Variants in KCNK3 observed in about 807,000 individuals in gnomAD.
KCNK3 encodes potassium channel subfamily K member 3.
In KCNK3, 9 loss-of-function variants were observed where a neutral mutation model predicts 27.3. The ratio of observed to expected loss-of-function variants is 0.33; its 90% CI spans 0.20 to 0.57. The LOEUF is 0.57. KCNK3 is among the 20% of genes least tolerant of loss of function. The pLI, the probability that KCNK3 is intolerant of heterozygous loss-of-function variation, is 0.87. For missense variants in KCNK3, 391 were observed against 577.7 expected (o/e 0.68, Z 3.31); for synonymous variants, 278 against 273.8 (o/e 1.02, Z -0.15).
chr2:26,701,801 G>A (rs140702494), intron 1 of KCNK3, among the ~76,000 whole-genome samples: 286 of 152,234 alleles, frequency 1.9e-3, no homozygotes, highest in African/African-American at 2.2e-3. Flanking sequence ...TTAGTGAGGC[G>A]TGGTGGCGCA....
intron 1 of KCNK3, among the ~76,000 whole-genome samples, chr2:26,700,003 C>T (rs1234375137): frequency 1.3e-5 from 2 of 152,214 alleles, no homozygotes; most frequent in Non-Finnish European, 1.5e-5. Context: ...CTAGCGGTGG[C>T]AGATGGGTAC....
Position 26,728,322 on chromosome 2 carries a change from G to C in KCNK3, c.939G>C (p.Leu313=). Residue 313 remains leucine (L), a synonymous_variant, in exon 2 of 2, where the codon CTG becomes CTC. Transcript: ENST00000302909. ...VLHFQSMCSC[L]WYKSREKLQY... The stretch of plus-strand genomic sequence containing the variant: ...ACTTCCAGTCCATGTGCTCGTGCCT[G>C]TGGTACAAGAGCCGCGAGAAGCTGC... 1 of 1,603,676 alleles carries C rather than the reference G, an allele frequency of 6.2e-7. No individual in the cohort carries two copies. The highest frequency in any genetic ancestry group is 8.5e-7 in the Non-Finnish European group (1 of 1,175,338).
In KCNK3 at chr2:26,721,993, T is replaced by G. The variant is rs751024875; in HGVS notation, c.284-5674T>G. On this transcript the variant is annotated intron_variant, in intron 1 of 1. Coordinates refer to ENST00000302909, the MANE Select transcript of KCNK3 (RefSeq NM_002246.3). This position sits in a 1 kb window ranked among gnomAD's most constrained non-coding sequence, Gnocchi z 4.3. ...TCGTCAGAGACCTGGGGGAAGGACCTCAGAGGTTCTTGATACTGCACAGGA... is the reference window on the plus strand; with the variant it reads ...TCGTCAGAGACCTGGGGGAAGGACCGCAGAGGTTCTTGATACTGCACAGGA... Among the ~76,000 whole-genome samples, 42 of 152,200 alleles carry G rather than the reference T, an allele frequency of 2.8e-4. No homozygotes were observed. The highest frequency in any genetic ancestry group is 5.3e-4 in the Non-Finnish European group (36 of 68,020).
At chr2:26,720,242 G>A (rs1017424887) in intron 1 of KCNK3, among the ~76,000 whole-genome samples, 11 of 152,194 alleles carry the variant, frequency 7.2e-5, no homozygotes, top group South Asian at 4.1e-4. Context: ...GCAACACAGC[G>A]AGATTCCGTC....
At position 26,709,937 on chromosome 2, in the gene KCNK3, C is replaced by T. The variant is rs142436746; in HGVS notation, c.283+16779C>T. On this transcript the variant is annotated intron_variant, in intron 1 of 1. Coordinates refer to ENST00000302909, the MANE Select transcript of KCNK3 (RefSeq NM_002246.3). ...TGCCTTACCCTGCCGCCGCCTTCCA[C>T]ATTCCCTCCCACCTCATCCATCCTT... Among the ~76,000 whole-genome samples, 969 of 152,366 alleles carry T rather than the reference C, an allele frequency of 6.4e-3. 7 individuals carry two copies. Among genetic ancestry groups the T allele is most frequent in the Middle Eastern group, 0.017 (5 of 294 alleles).
At chr2:26,712,375 G>A (rs1389930725) in intron 1 of KCNK3, among the ~76,000 whole-genome samples, 1 of 152,214 alleles carries the variant, frequency 6.6e-6, no homozygotes, top group African/African-American at 2.4e-5. Context: ...GCAGGGTTGA[G>A]TGAGTATGTT....
intron 1 of KCNK3, among the ~76,000 whole-genome samples, chr2:26,716,079 C>G (rs1663226364): frequency 6.6e-6 from 1 of 152,226 alleles, no homozygotes. Flanking sequence ...TGGGATCACA[C>G]AGCAGCACAA....
At chr2:26,717,958 G>A (rs1663261705) in intron 1 of KCNK3, among the ~76,000 whole-genome samples, 1 of 152,178 alleles carries the variant, frequency 6.6e-6, no homozygotes, top group African/African-American at 2.4e-5. Flanking sequence ...AAACAAAAGA[G>A]ATGAGAACCC....
intron 1 of KCNK3, among the ~76,000 whole-genome samples, chr2:26,722,441 A>C (rs912010735): frequency 3.9e-5 from 6 of 152,240 alleles, no homozygotes; most frequent in African/African-American, 1.4e-4. Flanking sequence ...GAACTCAATC[A>C]AGTCCCCACA....
chr2:26,724,651 G>A (rs1663380368), intron 1 of KCNK3: 2 of 983,840 alleles, frequency 2.0e-6, no homozygotes, highest in Non-Finnish European at 2.4e-6. Flanking sequence ...GGCACATCTA[G>A]GCCAGGGCTG....
At chr2:26,699,011 C>T (rs1295797882) in intron 1 of KCNK3, among the ~76,000 whole-genome samples, 1 of 151,786 alleles carries the variant, frequency 6.6e-6, no homozygotes, top group Non-Finnish European at 1.5e-5. Context: ...AACCCTTCCT[C>T]TACTAAAAAT....
rs1663137662 is a variant in KCNK3, at chr2:26,712,590, G to T, written c.284-15077G>T. Among the ~76,000 whole-genome samples the T allele has an allele frequency of 2.0e-5, 3 of 152,044 alleles. No individual in the cohort carries two copies. In the South Asian group the frequency reaches 6.2e-4, roughly 32 times the overall value. ...GCAGATGTCCCCCTTCCCTGTGTCTGTCCACCCTATAACCTATCGGGATGG... is the reference window on the plus strand; with the variant it reads ...GCAGATGTCCCCCTTCCCTGTGTCTTTCCACCCTATAACCTATCGGGATGG... On this transcript the variant is annotated intron_variant, in intron 1 of 1. Coordinates refer to ENST00000302909, the MANE Select transcript of KCNK3 (RefSeq NM_002246.3).
intron 1 of KCNK3, among the ~76,000 whole-genome samples, chr2:26,696,385 T>A (rs1670235581): frequency 6.6e-6 from 1 of 152,234 alleles, no homozygotes; most frequent in African/African-American, 2.4e-5. Flanking sequence ...GCTCTTTCCC[T>A]GCTGGTCTTT....
At chr2:26,720,936 G>C (rs958036611) in intron 1 of KCNK3, among the ~76,000 whole-genome samples, 4 of 152,176 alleles carry the variant, frequency 2.6e-5, no homozygotes, top group Non-Finnish European at 5.9e-5. Context: ...CTAGGGGCTT[G>C]CCCAGGCCCA....
chr2:26,716,322 G>T (rs182075533), intron 1 of KCNK3, among the ~76,000 whole-genome samples: 6 of 152,300 alleles, frequency 3.9e-5, no homozygotes. Context: ...AATGTATAGA[G>T]ATTGCTTTGT....
intron 1 of KCNK3, among the ~76,000 whole-genome samples, chr2:26,723,171 G>A (rs1397169953): frequency 2.0e-5 from 3 of 152,188 alleles, no homozygotes; most frequent in Non-Finnish European, 2.9e-5. Flanking sequence ...CATGACCAAG[G>A]GCTCAGAGTG....
chr2:26,727,807 C>G lies in KCNK3; in HGVS notation c.424C>G (p.Arg142Gly). 1 of 1,611,148 alleles carries G rather than the reference C, an allele frequency of 6.2e-7. No individual in the cohort carries two copies. Among genetic ancestry groups the G allele is most frequent in the Non-Finnish European group, 8.5e-7 (1 of 1,177,812 alleles). Residue 142 changes from arginine (R) to glycine (G), a missense_variant, in exon 2 of 2, where the codon CGC becomes GGC. This residue lies in a region of KCNK3 where 158 missense variants were observed against 267.7 expected (regional missense o/e 0.59). Transcript: ENST00000302909. ...CACCTTGGTGAGGTACCTGCTGCACCGCGCCAAGAAGGGGCTGGGCATGCG... is the reference window on the plus strand; with the variant it reads ...CACCTTGGTGAGGTACCTGCTGCACGGCGCCAAGAAGGGGCTGGGCATGCG... ...INTLVRYLLH[R>G]AKKGLGMRRA...
intron 1 of KCNK3, among the ~76,000 whole-genome samples, chr2:26,715,613 T>G (rs1401084790): frequency 6.6e-6 from 1 of 152,210 alleles, no homozygotes; most frequent in African/African-American, 2.4e-5. Context: ...ATGTTCTGGC[T>G]TGTCTTGGCA....
intron 1 of KCNK3, among the ~76,000 whole-genome samples, chr2:26,712,747 G>A (rs1167740530): frequency 1.3e-5 from 2 of 151,892 alleles, no homozygotes; most frequent in Non-Finnish European, 2.9e-5. Flanking sequence ...CCTCATGTCT[G>A]CAGGCTGGCT....
Sources: allele counts gnomAD v4.1 joint callset (sites outside exome capture counted in the v4.1 genomes callset), GRCh38; gene constraint gnomAD v4.1.1; regional missense constraint gnomAD v4.1.1; non-coding constraint Gnocchi (gnomAD v3.1); transcripts MANE v1.5; gene names NCBI Gene and HGNC (gene_info 2026-07-23, HGNC 2026-07-21).